Variants in PDE11A observed in about 807,000 individuals in gnomAD.
PDE11A encodes dual 3',5'-cyclic-AMP and -GMP phosphodiesterase 11A.
PDE11A carries 100 observed loss-of-function variants against 100.5 expected under a neutral mutation model. The observed-to-expected ratio is 1.00, with a 90% CI of 0.85 to 1.18. The LOEUF is 1.18. Ranked by LOEUF, PDE11A falls within the 50% of genes most tolerant of loss-of-function variation. PDE11A has a pLI of 0.00. For missense variants in PDE11A, 1,141 were observed against 1,152.6 expected, an observed-to-expected ratio of 0.99 and a Z score of 0.15; for synonymous variants, 381 against 420.8, an observed-to-expected ratio of 0.91 and a Z score of 1.16.
chr2:178,039,474 C>G (rs1048372615), intron 1 of PDE11A, among the ~76,000 whole-genome samples: 13 of 151,898 alleles, frequency 8.6e-5, no homozygotes, highest in Non-Finnish European at 1.9e-4. Flanking sequence ...CAGCAAACCC[C>G]CATGACACAA....
At chr2:177,943,907 T>A (rs1375371824) in intron 2 of PDE11A, among the ~76,000 whole-genome samples, 1 of 152,202 alleles carries the variant, frequency 6.6e-6, no homozygotes, top group Non-Finnish European at 1.5e-5. Context: ...TTGTGTAAGG[T>A]GTAAAATAAG....
At chr2:177,736,968 C>T (rs1159657411) in intron 10 of PDE11A, among the ~76,000 whole-genome samples, 11 of 152,144 alleles carry the variant, frequency 7.2e-5, no homozygotes, top group African/African-American at 2.2e-4. Context: ...AGGCTGGGTG[C>T]GGTGGCTCAC....
At chr2:178,093,135 C>T (rs1382140953) in intron 2 of PDE11A, among the ~76,000 whole-genome samples, 2 of 152,190 alleles carry the variant, frequency 1.3e-5, no homozygotes, top group Admixed American at 1.3e-4. Context: ...TGTGTCTCCA[C>T]TCCTTGGCTT....
intron 2 of PDE11A, among the ~76,000 whole-genome samples, chr2:177,994,617 T>C (rs1005679192): frequency 6.6e-6 from 1 of 152,224 alleles, no homozygotes; most frequent in Admixed American, 6.5e-5. Context: ...CTTATTACGA[T>C]GTGCATTGCT....
At chr2:177,809,302 A>C (rs961438189) in intron 9 of PDE11A, among the ~76,000 whole-genome samples, 4 of 152,178 alleles carry the variant, frequency 2.6e-5, no homozygotes, top group Admixed American at 1.3e-4. Flanking sequence ...GCAACAACAA[A>C]AACAAAAACA....
chr2:177,909,312 T>C (rs569646780), intron 2 of PDE11A, among the ~76,000 whole-genome samples: 1 of 152,304 alleles, frequency 6.6e-6, no homozygotes, highest in Non-Finnish European at 1.5e-5. Context: ...AATGCTCCTA[T>C]AACAGCATCC....
In PDE11A at chr2:178,014,333, T is replaced by A; in HGVS notation, c.1040A>T (p.Glu347Val). ...ATCATCTTCAGTAAATGGAGCTCCT[T>A]CAGGAATCTTATTTATCGCTTGGGC... ...GVAQAINKIP[E>V]GAPFTEDDEK... Residue 347 changes from glutamate (E) to valine (V), a missense_variant, in exon 2 of 20, where the codon GAA becomes GTA. Physicochemically the swap from Glu to Val is moderately radical, Grantham distance 121 (BLOSUM62 -2). Coordinates refer to ENST00000286063, the MANE Select transcript of PDE11A (RefSeq NM_016953.4). 1 of 1,613,250 alleles carries A rather than the reference T, an allele frequency of 6.2e-7. No homozygotes were observed.
chr2:178,017,716 G>A (rs1229670246), intron 1 of PDE11A, among the ~76,000 whole-genome samples: 1 of 152,046 alleles, frequency 6.6e-6, no homozygotes, highest in Non-Finnish European at 1.5e-5. Context: ...ATCTCAGCAC[G>A]TTGGGAGGCT....
At chr2:177,940,827 A>G (rs772169106) in intron 2 of PDE11A, among the ~76,000 whole-genome samples, 24 of 152,186 alleles carry the variant, frequency 1.6e-4, no homozygotes, top group Non-Finnish European at 3.1e-4. Flanking sequence ...TTTACCCTCT[A>G]TCTTGCAGTC....
intron 19 of PDE11A, among the ~76,000 whole-genome samples, chr2:177,661,044 G>T (rs1179964743): frequency 2.6e-5 from 4 of 152,140 alleles, no homozygotes; most frequent in Non-Finnish European, 5.9e-5. Context: ...TCCTCCACCT[G>T]CAGGAAGATC....
intron 4 of PDE11A, among the ~76,000 whole-genome samples, chr2:177,883,306 T>C (rs1466351656): frequency 6.6e-6 from 1 of 151,774 alleles, no homozygotes; most frequent in Admixed American, 6.6e-5. Context: ...TAAACAATCA[T>C]CTCTTACTAT....
At chr2:178,036,001 A>G (rs191576459) in intron 1 of PDE11A, among the ~76,000 whole-genome samples, 3 of 152,346 alleles carry the variant, frequency 2.0e-5, no homozygotes, top group Non-Finnish European at 2.9e-5. Context: ...CCTATTCAAC[A>G]TACTATTGGA....
chr2:177,949,465 GCTGGTCTTATTTGAGTAGGCAT>G (rs1222756141), intron 2 of PDE11A, among the ~76,000 whole-genome samples: 1 of 152,012 alleles, frequency 6.6e-6, no homozygotes, highest in African/African-American at 2.4e-5. Flanking sequence ...ATCCATCCCA[GCTGGTCTTATTTGAGTAGGCAT>G]CTGGATTAAC....
intron 2 of PDE11A, among the ~76,000 whole-genome samples, chr2:177,916,439 C>T (rs759350220): frequency 5.3e-5 from 8 of 152,214 alleles, no homozygotes; most frequent in Non-Finnish European, 1.2e-4. Context: ...GCCACATCTG[C>T]TACCTTTCAG....
chr2:177,933,672 C>T (rs1481106179), intron 2 of PDE11A, among the ~76,000 whole-genome samples: 1 of 151,914 alleles, frequency 6.6e-6, no homozygotes, highest in Admixed American at 6.6e-5. Flanking sequence ...CAGAGTGAGA[C>T]TCCATAAAAA....
intron 2 of PDE11A, among the ~76,000 whole-genome samples, chr2:177,985,869 C>T (rs1327793809): frequency 6.6e-6 from 1 of 152,186 alleles, no homozygotes; most frequent in African/African-American, 2.4e-5. Flanking sequence ...TTAAAGCTTA[C>T]ACATTATGTT....
intron 2 of PDE11A, among the ~76,000 whole-genome samples, chr2:177,951,728 A>G (rs1487017032): frequency 6.6e-6 from 1 of 152,212 alleles, no homozygotes; most frequent in African/African-American, 2.4e-5. Flanking sequence ...ATTATGGAAG[A>G]GCCCAACTCT....
At chr2:178,021,823 T>G (rs2086416847) in intron 1 of PDE11A, among the ~76,000 whole-genome samples, 2 of 151,762 alleles carry the variant, frequency 1.3e-5, no homozygotes, top group African/African-American at 2.4e-5. Flanking sequence ...TGGAAGGGAG[T>G]GTCCCAGAAA....
intron 5 of PDE11A, among the ~76,000 whole-genome samples, chr2:177,860,014 A>T (rs1395256966): frequency 6.6e-6 from 1 of 151,880 alleles, no homozygotes; most frequent in Non-Finnish European, 1.5e-5. Context: ...AAAAATAAGG[A>T]ATAAGGTCTC....
Sources: allele counts gnomAD v4.1 joint callset (sites outside exome capture counted in the v4.1 genomes callset), GRCh38; gene constraint gnomAD v4.1.1; transcripts MANE v1.5; gene names NCBI Gene and HGNC (gene_info 2026-07-23, HGNC 2026-07-21).